FAT4: variants seen among roughly 807,000 people sequenced by gnomAD.
FAT4 encodes protocadherin Fat 4.
In FAT4, 84 loss-of-function variants were observed where a neutral mutation model predicts 303.9. That is an observed-to-expected ratio of 0.28 (90% confidence interval 0.23 to 0.33). The LOEUF (loss-of-function observed/expected upper bound fraction) is 0.33, where lower values mean the gene tolerates loss of function less well. FAT4 is among the 10% of genes least tolerant of loss of function. The probability of loss-of-function intolerance (pLI) is 1.00; values close to 1 mark genes in which losing one functional copy is unlikely to be tolerated. For missense variants in FAT4, 6,005 were observed against 6,146.8 expected, an observed-to-expected ratio of 0.98 and a Z score of 0.77; for synonymous variants, 2,307 against 2,298.8, an observed-to-expected ratio of 1.00 and a Z score of -0.10.
At chr4:125,480,744 T>C (rs917706644) in intron 15 of FAT4, among the ~76,000 whole-genome samples, 1 of 152,100 alleles carries the variant, frequency 6.6e-6, no homozygotes, top group African/African-American at 2.4e-5. Context: ...TTCAATGTAA[T>C]AAATATTTAT....
intron 7 of FAT4, among the ~76,000 whole-genome samples, chr4:125,427,242 C>T (rs552432134): frequency 7.9e-5 from 12 of 151,434 alleles, no homozygotes; most frequent in East Asian, 1.9e-4. Flanking sequence ...CTCATTTTAA[C>T]GATTTTTTAA....
intron 10 of FAT4, among the ~76,000 whole-genome samples, chr4:125,459,832 T>A (rs1726422343): frequency 6.6e-6 from 1 of 152,098 alleles, no homozygotes; most frequent in African/African-American, 2.4e-5. Context: ...AAGAGCATGT[T>A]AGAGTAATTC....
intron 2 of FAT4, among the ~76,000 whole-genome samples, chr4:125,371,873 G>T (rs1212278408): frequency 6.6e-6 from 1 of 151,994 alleles, no homozygotes; most frequent in African/African-American, 2.4e-5. Context: ...CCTGTGACGG[G>T]GGCATCATAA....
rs183593425 is a variant in FAT4 at position 125,468,631 on chromosome 4, A to G, written c.12025A>G (p.Ser4009Gly). ...TTATGTCAAATTTGCCACGATTAAA[A>G]GTCATGCCTTATTGCTTTACAACTA... ...YIYVKFATIKSHALLLYNYDN... is the reference protein window; with the variant it reads ...YIYVKFATIKGHALLLYNYDN... The change falls in exon 12 of 18, where the codon AGT (serine) becomes GGT (glycine). Residue 4009 changes from serine (S) to glycine (G), a missense_variant. Transcript: ENST00000394329. 1.2e-6 allele frequency: 2 copies of G among 1,614,176 alleles called. No homozygotes were observed. Among genetic ancestry groups the G allele is most frequent in the East Asian group, 4.5e-5 (2 of 44,868 alleles).
intron 11 of FAT4, 97 bp downstream of exon 11, chr4:125,463,764 A>G (rs920118661): frequency 3.2e-5 from 19 of 584,728 alleles, no homozygotes; most frequent in Non-Finnish European, 5.3e-5. Flanking sequence ...CCAAAAAATT[A>G]TTGTTTTACA....
chr4:125,413,510 A>G (rs576712751), intron 5 of FAT4, among the ~76,000 whole-genome samples: 2 of 152,058 alleles, frequency 1.3e-5, no homozygotes, highest in South Asian at 4.1e-4. Context: ...ATTTTTGTTA[A>G]TAAGTCATTG....
At chr4:125,453,713 A>T (rs1335233878) in intron 10 of FAT4, among the ~76,000 whole-genome samples, 2 of 152,136 alleles carry the variant, frequency 1.3e-5, no homozygotes, top group African/African-American at 4.8e-5. Context: ...TTAAAAAAAA[A>T]AAAAAAATGG....
In FAT4 at chr4:125,468,670, G is replaced by C; in HGVS notation, c.12064G>C (p.Gly4022Arg). ...LLLYNYDNQTGDRAEFLALEI... is the reference protein window; with the variant it reads ...LLLYNYDNQTRDRAEFLALEI... ...GCTTTACAACTATGACAACCAGACAGGCGACCGGGCTGAGTTTTTGGCCCT... is the reference window on the plus strand; with the variant it reads ...GCTTTACAACTATGACAACCAGACACGCGACCGGGCTGAGTTTTTGGCCCT... Residue 4022 changes from glycine to arginine, a missense_variant, in exon 12 of 18, where the codon GGC becomes CGC. By Grantham distance (125) the Gly-to-Arg change is moderately radical. Transcript: ENST00000394329. 1 of 1,614,114 alleles carries C rather than the reference G, an allele frequency of 6.2e-7. No individual in the cohort carries two copies. Among genetic ancestry groups the C allele is most frequent in the Non-Finnish European group, 8.5e-7 (1 of 1,180,018 alleles).
chr4:125,344,652 C>T (rs1731928940), intron 2 of FAT4, among the ~76,000 whole-genome samples: 1 of 152,098 alleles, frequency 6.6e-6, no homozygotes, highest in South Asian at 2.1e-4. Flanking sequence ...GTGGAAGATT[C>T]CTTCTCATCA....
At chr4:125,401,720 C>T (rs1387698238) in intron 3 of FAT4, among the ~76,000 whole-genome samples, 1 of 112,978 alleles carries the variant, frequency 8.9e-6, no homozygotes, top group Non-Finnish European at 1.8e-5. Context: ...CACATGATTC[C>T]GTTTGTCTCT....
chr4:125,463,847 T>A (rs1726567286), intron 11 of FAT4, among the ~76,000 whole-genome samples, 180 bp downstream of exon 11: 1 of 152,158 alleles, frequency 6.6e-6, no homozygotes, highest in Non-Finnish European at 1.5e-5. Flanking sequence ...ATTGAATACA[T>A]TGCATTGGTC....
At chr4:125,426,268 C>T (rs888580359) in intron 7 of FAT4, among the ~76,000 whole-genome samples, 1 of 152,020 alleles carries the variant, frequency 6.6e-6, no homozygotes, top group East Asian at 1.9e-4. Flanking sequence ...AAAAGTTTGC[C>T]TTGTCTGTTA....
At chr4:125,388,542 A>C (rs1408293796) in intron 2 of FAT4, among the ~76,000 whole-genome samples, 1 of 152,140 alleles carries the variant, frequency 6.6e-6, no homozygotes, top group Non-Finnish European at 1.5e-5. Flanking sequence ...GTTTGTTTTG[A>C]AGAATAGTAT....
intron 8 of FAT4, among the ~76,000 whole-genome samples, chr4:125,441,694 C>A (rs1437477047): frequency 6.6e-6 from 1 of 152,132 alleles, no homozygotes; most frequent in Non-Finnish European, 1.5e-5. Flanking sequence ...TACTTCCTTC[C>A]TCAAAATCTT....
Position 125,321,487 on chromosome 4 carries a change from C to G in FAT4, c.5076C>G (p.Thr1692=). 1 of 1,614,016 alleles carries G rather than the reference C, an allele frequency of 6.2e-7. No individual in the cohort carries two copies. The highest frequency in any genetic ancestry group is 8.5e-7 in the Non-Finnish European group (1 of 1,179,968). ...GACGACATACTGGTATAATTCAGAC[C>G]GCAGCCATTCTGGACCGGGAGCAAG... is the stretch of plus-strand genomic sequence containing the variant. ...TIGRHTGIIQ[T]AAILDREQGA... The change falls in exon 2 of 18, where the codon ACC becomes ACG. Residue 1692 remains threonine, a synonymous_variant. Transcript: ENST00000394329.
chr4:125,468,179 AT>A (rs1726733106), intron 11 of FAT4, among the ~76,000 whole-genome samples: 2 of 152,208 alleles, frequency 1.3e-5, no homozygotes, highest in Admixed American at 1.3e-4. Context: ...AAAAAAATCA[AT>A]GAATTTTGAA....
intron 7 of FAT4, among the ~76,000 whole-genome samples, chr4:125,429,616 A>G (rs1725213570): frequency 6.6e-6 from 1 of 152,232 alleles, no homozygotes; most frequent in Non-Finnish European, 1.5e-5. Flanking sequence ...GAATCTGTGC[A>G]TTAAATGAGC....
intron 2 of FAT4, among the ~76,000 whole-genome samples, chr4:125,382,772 A>T (rs532008010): frequency 6.6e-6 from 1 of 152,338 alleles, no homozygotes; most frequent in African/African-American, 2.4e-5. Flanking sequence ...CTGTTCATCT[A>T]CATTGAAAAT....
Position 125,451,612 on chromosome 4 carries a change from C to A in FAT4, c.10602C>A (p.Ser3534=). 6.2e-7 allele frequency: 1 copy of A among 1,614,080 alleles called. No homozygotes were observed. Among genetic ancestry groups the A allele is most frequent in the Non-Finnish European group, 8.5e-7 (1 of 1,180,016 alleles). ...GCACTTTGGTGATGACCCTTCAGTC[C>A]ACTGACCCTGATCTCCCTCCAAATC... ...RPGTLVMTLQ[S]TDPDLPPNQG... Residue 3534 remains serine (S), a synonymous_variant, in exon 10 of 18, where the codon TCC becomes TCA. Transcript: ENST00000394329.
Sources: allele counts gnomAD v4.1 joint callset (sites outside exome capture counted in the v4.1 genomes callset), GRCh38; gene constraint gnomAD v4.1.1; transcripts MANE v1.5; gene names NCBI Gene and HGNC (gene_info 2026-07-23, HGNC 2026-07-21).